Variants in ABLIM3 observed in about 807,000 individuals in gnomAD.
ABLIM3 encodes the protein actin binding LIM protein family member 3.
ABLIM3 carries 61 observed loss-of-function variants against 109.5 expected under a neutral mutation model. The observed-to-expected ratio is 0.56, with a 90% confidence interval of 0.45 to 0.69. ABLIM3 has a LOEUF of 0.69. Among genes scored for constraint, ABLIM3 ranks in the 30% least tolerant of loss-of-function variants. ABLIM3 has a pLI of 0.00. For missense variants in ABLIM3, 796 were observed against 889.5 expected (o/e 0.89, Z 1.34); for synonymous variants, 300 against 324.8 (o/e 0.92, Z 0.82).
intron 10 of ABLIM3, among the ~76,000 whole-genome samples, chr5:149,235,239 G>T (rs1762232170): frequency 6.6e-6 from 1 of 151,922 alleles, no homozygotes; most frequent in African/African-American, 2.4e-5. Context: ...TTTCAAATTT[G>T]GAAAAAAATT....
rs531537991 is a variant in ABLIM3 at position 149,149,675 on chromosome 5, AT to A, written c.13+7568del. Among the ~76,000 whole-genome samples, 659 of 152,324 alleles carry A rather than the reference AT, an allele frequency of 4.3e-3. 2 individuals carry two copies. The highest frequency in any genetic ancestry group is 0.015 in the African/African-American group (618 of 41,576). ...AAATCTTTTAGAAAATAAAGACTGC[AT>A]GGCCTAGCCACTGATTGTTTTATAA... On this transcript the variant is annotated intron_variant, in intron 2 of 23. Transcript: ENST00000309868.
intron 2 of ABLIM3, among the ~76,000 whole-genome samples, chr5:149,153,842 G>C (rs1446043408): frequency 6.6e-6 from 1 of 152,210 alleles, no homozygotes; most frequent in Non-Finnish European, 1.5e-5. Flanking sequence ...GACAGACAAG[G>C]AGAACATACA....
At chr5:149,145,334 A>G (rs1008563042) in intron 2 of ABLIM3, among the ~76,000 whole-genome samples, 1 of 152,188 alleles carries the variant, frequency 6.6e-6, no homozygotes, top group African/African-American at 2.4e-5. Flanking sequence ...GTCCTTTTTT[A>G]TGGATGCATA....
chr5:149,237,845 G>T (rs916493872), intron 11 of ABLIM3, among the ~76,000 whole-genome samples: 1 of 152,164 alleles, frequency 6.6e-6, no homozygotes, highest in African/African-American at 2.4e-5. Flanking sequence ...ATGGGAAGCA[G>T]CACCCCCTAT....
At chr5:149,165,673 A>G (rs934788150) in intron 2 of ABLIM3, among the ~76,000 whole-genome samples, 1 of 152,114 alleles carries the variant, frequency 6.6e-6, no homozygotes, top group East Asian at 1.9e-4. Context: ...TGCCCTAGTC[A>G]TGTCTACTGC....
intron 17 of ABLIM3, 92 bp from the exon 18 acceptor site, chr5:149,247,690 G>C: frequency 1.3e-6 from 2 of 1,530,194 alleles, no homozygotes; most frequent in Non-Finnish European, 1.8e-6. Flanking sequence ...GGCTGCTATG[G>C]AGGATGTGAT....
At chr5:149,237,859 C>G (rs1181178320) in intron 11 of ABLIM3, among the ~76,000 whole-genome samples, 2 of 152,190 alleles carry the variant, frequency 1.3e-5, no homozygotes, top group South Asian at 2.1e-4. Flanking sequence ...CCCCTATAGA[C>G]AGGACATGAG....
intron 2 of ABLIM3, among the ~76,000 whole-genome samples, chr5:149,176,283 C>A (rs1755921913): frequency 6.6e-6 from 1 of 152,224 alleles, no homozygotes; most frequent in African/African-American, 2.4e-5. Context: ...CTGAATTGCT[C>A]TTCCTATTTC....
At chr5:149,161,412 G>C (rs541935504) in intron 2 of ABLIM3, among the ~76,000 whole-genome samples, 25 of 152,280 alleles carry the variant, frequency 1.6e-4, no homozygotes, top group African/African-American at 5.8e-4. Flanking sequence ...CTGCCTGGCT[G>C]TCTCTCTTGA....
chr5:149,209,035 A>G (rs1197673316), intron 6 of ABLIM3, among the ~76,000 whole-genome samples: 1 of 152,178 alleles, frequency 6.6e-6, no homozygotes, highest in Non-Finnish European at 1.5e-5. Context: ...ACATGTGCCC[A>G]GGTGAAGCCA....
intron 10 of ABLIM3, among the ~76,000 whole-genome samples, chr5:149,234,179 G>A (rs1455678718): frequency 2.6e-5 from 4 of 152,178 alleles, no homozygotes; most frequent in Non-Finnish European, 5.9e-5. Context: ...GACAATCTAG[G>A]ACTAGTTGGG....
rs13176629 is a variant in ABLIM3 at position 149,149,307 on chromosome 5, C to T, written c.13+7199C>T. Among the ~76,000 whole-genome samples, 1,006 of 152,170 alleles carry T rather than the reference C, an allele frequency of 6.6e-3. 9 individuals carry two copies. The highest frequency in any genetic ancestry group is 0.043 in the South Asian group (206 of 4,808). ...GTGCAGGGTTCTTCTAAGGATTCAGCGAAATAACATTAGAAACTCACAGGC... is the reference window on the plus strand; with the variant it reads ...GTGCAGGGTTCTTCTAAGGATTCAGTGAAATAACATTAGAAACTCACAGGC... On this transcript the variant is annotated intron_variant, in intron 2 of 23. Coordinates refer to ENST00000309868, the MANE Select transcript of ABLIM3 (RefSeq NM_014945.5).
intron 11 of ABLIM3, among the ~76,000 whole-genome samples, chr5:149,238,202 G>C (rs1208245073): frequency 2.0e-5 from 3 of 152,152 alleles, no homozygotes; most frequent in African/African-American, 7.2e-5. Flanking sequence ...GTGTTTTCTG[G>C]AGATGGCAGC....
intron 8 of ABLIM3, among the ~76,000 whole-genome samples, chr5:149,223,276 C>T (rs1166820706): frequency 6.6e-6 from 1 of 152,190 alleles, no homozygotes; most frequent in Non-Finnish European, 1.5e-5. Context: ...GCCATTTTCT[C>T]GCCTGTCACA....
At chr5:149,142,583 A>G (rs1382602631) in intron 2 of ABLIM3, among the ~76,000 whole-genome samples, 1 of 152,140 alleles carries the variant, frequency 6.6e-6, no homozygotes, top group East Asian at 1.9e-4. Flanking sequence ...AATAATCGCC[A>G]AGCCACCTTT....
At chr5:149,231,430 G>A (rs890726890) in intron 9 of ABLIM3, among the ~76,000 whole-genome samples, 23 of 152,162 alleles carry the variant, frequency 1.5e-4, no homozygotes, top group African/African-American at 5.6e-4. Context: ...TGGGGGATGG[G>A]GAATGGGGCC....
At chr5:149,210,402 G>A (rs1003142852) in intron 6 of ABLIM3, among the ~76,000 whole-genome samples, 2 of 152,172 alleles carry the variant, frequency 1.3e-5, no homozygotes, top group African/African-American at 2.4e-5. Context: ...AGAGCCCGGC[G>A]CACACCAGCA....
intron 2 of ABLIM3, among the ~76,000 whole-genome samples, chr5:149,146,588 T>A (rs774349323): frequency 4.3e-4 from 66 of 152,372 alleles, no homozygotes; most frequent in Middle Eastern, 3.4e-3. Flanking sequence ...ACTCCATTGC[T>A]TAATTTTGTC....
intron 2 of ABLIM3, among the ~76,000 whole-genome samples, chr5:149,156,880 G>A (rs561040366): frequency 1.3e-5 from 2 of 152,364 alleles, no homozygotes; most frequent in East Asian, 3.9e-4. Context: ...GAAGAATAAA[G>A]GTGAAGGGTG....
Sources: gnomAD v4.1 joint callset for allele counts (sites outside exome capture counted in the v4.1 genomes callset) on GRCh38, gnomAD v4.1.1 for gene constraint, MANE v1.5 for transcripts, NCBI Gene and HGNC (gene_info 2026-07-23, HGNC 2026-07-21) for gene names.